The following TASOR variants were observed in gnomAD, a reference collection of about 807,000 sequenced individuals.
TASOR encodes the protein transcription activation suppressor, also known as protein TASOR.
In TASOR, 53 loss-of-function variants were observed where a neutral mutation model predicts 178.6. The ratio of observed to expected loss-of-function variants is 0.30; its 90% confidence interval spans 0.24 to 0.37. TASOR has a LOEUF of 0.37. Ranked by LOEUF, TASOR falls within the 10% of genes least tolerant of loss-of-function variation. The pLI, the probability that TASOR is intolerant of heterozygous loss-of-function variation, is 1.00. For synonymous variants in TASOR, 713 were observed against 696.2 expected, an observed-to-expected ratio of 1.02 and a Z score of -0.38; for missense variants, 1,815 against 1,971.4, an observed-to-expected ratio of 0.92 and a Z score of 1.50.
intron 1 of TASOR, among the ~76,000 whole-genome samples, chr3:56,676,933 G>A (rs751696520): frequency 2.2e-4 from 33 of 152,168 alleles, no homozygotes; most frequent in Non-Finnish European, 4.3e-4. Flanking sequence ...ATAAATATCT[G>A]TATCCTAATT....
In TASOR at chr3:56,628,576, A is replaced by G. The variant is rs1485098785; in HGVS notation, c.3786T>C (p.Pro1262=). 6 of 1,590,598 alleles carry G rather than the reference A, an allele frequency of 3.8e-6. No homozygotes were observed. Among genetic ancestry groups the G allele is most frequent in the Non-Finnish European group, 5.2e-6 (6 of 1,161,418 alleles). The change falls in exon 19 of 24, where the codon CCT becomes CCC. Residue 1262 remains proline, a synonymous_variant. Coordinates refer to ENST00000683822, the MANE Select transcript of TASOR (RefSeq NM_001365635.2). The stretch of plus-strand genomic sequence containing the variant: ...TTGATCTTCTTTCCAAAAACTGTTC[A>G]GGATGACATTCTGTATTGCCTAATT... ...LIKLGNTECH[P]EQFLERRSKL...
In TASOR at chr3:56,670,113, C is replaced by T; in HGVS notation, c.603G>A (p.Val201=). Residue 201 remains valine, a synonymous_variant, in exon 4 of 24, where the codon GTG becomes GTA. Coordinates refer to ENST00000683822, the MANE Select transcript of TASOR (RefSeq NM_001365635.2). The part of the protein sequence containing the change: ...VQTICEKGLH[V]GQSKITILGS... ...CAAGAATTGTTATTTTGGACTGACC[C>T]ACATGTAATCCTTTTTCACATATGG... 1 of 1,539,962 alleles carries T rather than the reference C, an allele frequency of 6.5e-7. No individual in the cohort carries two copies. The highest frequency in any genetic ancestry group is 8.8e-7 in the Non-Finnish European group (1 of 1,141,902).
Position 56,621,718 on chromosome 3 carries a change from A to AT in TASOR, c.*1318dup, listed in dbSNP as rs1330006692. The AT allele has an allele frequency of 7.1e-6, 5 of 702,580 alleles. No homozygotes were observed. Among genetic ancestry groups the AT allele is most frequent in the African/African-American group, 3.7e-5 (2 of 54,616 alleles). The allele number at this position is 702,580 out of a possible 1,614,324, so 43.5% of individuals were successfully genotyped here. A position where few individuals can be genotyped will look rare whatever the true frequency, so the allele number is the denominator to read the frequency against. ...TTTTTCAAATAGCCTAGATTTACTT[A>AT]TTTTTTTAAATGCTCATTAAAAACT... On this transcript the variant is annotated 3_prime_UTR_variant, in exon 24 of 24. Coordinates refer to ENST00000683822, the MANE Select transcript of TASOR (RefSeq NM_001365635.2).
intron 5 of TASOR, among the ~76,000 whole-genome samples, chr3:56,669,469 C>G (rs912200932): frequency 1.3e-5 from 2 of 152,056 alleles, no homozygotes; most frequent in African/African-American, 4.8e-5. Flanking sequence ...CGCCACTGCA[C>G]TCCATCCAGC....
rs2077619269 is a variant in TASOR at position 56,662,496 on chromosome 3, T to C, written c.1055-6A>G. 7.2e-7 allele frequency: 1 copy of C among 1,386,472 alleles called. No individual in the cohort carries two copies. The highest frequency in any genetic ancestry group is 9.9e-7 in the Non-Finnish European group (1 of 1,009,536). 85.9% of individuals were successfully genotyped at this position (1,386,472 alleles called of 1,614,324 possible). ...CAAGGTATAGTTATATTTATCTAAA[T>C]AAAAAGAATATAATGACACAGCTTA... On this transcript the variant is annotated splice_polypyrimidine_tract_variant and splice_region_variant and intron_variant, in intron 8 of 23. Coordinates refer to ENST00000683822, the MANE Select transcript of TASOR (RefSeq NM_001365635.2).
Position 56,627,735 on chromosome 3 carries a change from C to G in TASOR, c.3877G>C (p.Gly1293Arg). 1 of 1,613,272 alleles carries G rather than the reference C, an allele frequency of 6.2e-7. No homozygotes were observed. The highest frequency in any genetic ancestry group is 1.1e-5 in the South Asian group (1 of 90,810). The change falls in exon 20 of 24, where the codon GGC (glycine) becomes CGC (arginine). Residue 1293 changes from glycine (G) to arginine (R), a missense_variant. Gly to Arg is a moderately radical substitution (Grantham distance 125). Transcript: ENST00000683822. Reference protein sequence around the residue: ...DIAGFIHKIPGLVTLKKLPCV... With the variant: ...DIAGFIHKIPRLVTLKKLPCV... ...GGGAGCTTCTTTAAAGTCACCAAGC[C>G]AGGTATCTGTTTAAATCCCAAAACA...
Position 56,646,761 on chromosome 3 carries a change from C to T in TASOR, c.1976G>A (p.Arg659Lys), listed in dbSNP as rs2077246716. 1 of 1,613,934 alleles carries T rather than the reference C, an allele frequency of 6.2e-7. No homozygotes were observed. Among genetic ancestry groups the T allele is most frequent in the Non-Finnish European group, 8.5e-7 (1 of 1,179,944 alleles). Residue 659 changes from arginine (R) to lysine (K), a missense_variant, in exon 14 of 24, where the codon AGA becomes AAA. Arg to Lys is a conservative substitution (Grantham distance 26, BLOSUM62 2). This residue lies in a region of TASOR where 504 missense variants were observed against 645.3 expected (regional missense o/e 0.78). Coordinates refer to ENST00000683822, the MANE Select transcript of TASOR (RefSeq NM_001365635.2). The stretch of plus-strand genomic sequence containing the variant: ...CTTTCCAGATATAATGGCTTCACCT[C>T]TTGAGTTATTTCGTTTTCCAAATTT... ...KMKFGKRNNS[R>K]GEAIISGKQR...
chr3:56,628,853 C>T (rs2076850707), intron 18 of TASOR: 1 of 270,946 alleles, frequency 3.7e-6, no homozygotes, highest in Non-Finnish European at 6.8e-6. Context: ...CTTGACCTCC[C>T]AGGCTCAAGC....
At position 56,633,497 on chromosome 3, in the gene TASOR, A is replaced by G. The variant is rs2076957809; in HGVS notation, c.3294T>C (p.Asn1098=). The G allele has an allele frequency of 1.2e-6, 2 of 1,614,124 alleles. No homozygotes were observed. Among genetic ancestry groups the G allele is most frequent in the Non-Finnish European group, 1.7e-6 (2 of 1,180,006 alleles). The change falls in exon 18 of 24, where the codon AAT becomes AAC. Residue 1098 remains asparagine, a synonymous_variant. Transcript: ENST00000683822. Reference sequence around the variant, plus strand: ...AATCGTTAGGACTGACTGGTGGCAAATTCCCACCCTTGGCTGATGCTTTAA... The same window carrying G: ...AATCGTTAGGACTGACTGGTGGCAAGTTCCCACCCTTGGCTGATGCTTTAA... ...IIIKASAKGG[N]LPPVSPNDSG... is the part of the protein sequence containing the mutation.
chr3:56,655,363 G>C (rs1198419865), intron 11 of TASOR, among the ~76,000 whole-genome samples: 1 of 152,152 alleles, frequency 6.6e-6, no homozygotes, highest in Non-Finnish European at 1.5e-5. Flanking sequence ...GTGAATGTCT[G>C]AAATCACAGA....
chr3:56,681,680 G>A (rs1402777260), intron 1 of TASOR, among the ~76,000 whole-genome samples: 1 of 152,114 alleles, frequency 6.6e-6, no homozygotes, highest in Non-Finnish European at 1.5e-5. Context: ...TAACCATACA[G>A]TAGGGCAAAA....
chr3:56,642,959 G>C (rs1047072622), intron 14 of TASOR, among the ~76,000 whole-genome samples: 1 of 151,808 alleles, frequency 6.6e-6, no homozygotes, highest in Admixed American at 6.6e-5. Context: ...CTGGGCAACA[G>C]AGCGAGACTC....
At position 56,622,733 on chromosome 3, in the gene TASOR, G is replaced by GT. The variant is rs1478946296; in HGVS notation, c.*303dup. ...GAGAAAAAGAAGTAAAGCCTTTGCT[G>GT]TTTACCGTCCTCCTGCAAGCATCTG... On this transcript the variant is annotated 3_prime_UTR_variant, in exon 24 of 24. Coordinates refer to ENST00000683822, the MANE Select transcript of TASOR (RefSeq NM_001365635.2). The GT allele has an allele frequency of 5.2e-6, 1 of 191,630 alleles. No homozygotes were observed. The highest frequency in any genetic ancestry group is 1.1e-5 in the Non-Finnish European group (1 of 95,124). 11.9% of individuals were successfully genotyped at this position (191,630 alleles called of 1,614,324 possible).
intron 21 of TASOR, among the ~76,000 whole-genome samples, chr3:56,626,399 G>T (rs752499158): frequency 2.6e-5 from 4 of 152,156 alleles, no homozygotes; most frequent in Non-Finnish European, 4.4e-5. Flanking sequence ...CTATAAAGTA[G>T]TCAGTTGGGA....
chr3:56,641,494 T>C lies in TASOR; in HGVS notation c.2474A>G (p.Tyr825Cys), dbSNP rs754365843. The C allele has an allele frequency of 5.6e-6, 9 of 1,613,896 alleles. No individual in the cohort carries two copies. The highest frequency in any genetic ancestry group is 4.5e-5 in the East Asian group (2 of 44,892). Reference sequence around the variant, plus strand: ...AACTTTTGCACAAGTAGGCTGCTCATAGTCTTTCTTATCTGGGGTAGAGTT... The same window carrying C: ...AACTTTTGCACAAGTAGGCTGCTCACAGTCTTTCTTATCTGGGGTAGAGTT... ...ELNSTPDKKD[Y>C]EQPTCAKVEN... Residue 825 changes from tyrosine (Y) to cysteine (C), a missense_variant, in exon 15 of 24, where the codon TAT becomes TGT. Coordinates refer to ENST00000683822, the MANE Select transcript of TASOR (RefSeq NM_001365635.2).
At chr3:56,630,211 C>T (rs911365764) in intron 18 of TASOR, among the ~76,000 whole-genome samples, 1 of 151,998 alleles carries the variant, frequency 6.6e-6, no homozygotes, top group Non-Finnish European at 1.5e-5. Context: ...GTGATCTGCC[C>T]GCCTCAGCCT....
At chr3:56,637,889 TACCC>T (rs548353264) in intron 17 of TASOR, among the ~76,000 whole-genome samples, 43 of 152,100 alleles carry the variant, frequency 2.8e-4, no homozygotes, top group African/African-American at 9.6e-4. Flanking sequence ...ATCTCCTAGG[TACCC>T]ACTGCCAACT....
At chr3:56,629,355 C>CT (rs1258126096) in intron 18 of TASOR, among the ~76,000 whole-genome samples, 2 of 152,268 alleles carry the variant, frequency 1.3e-5, no homozygotes, top group East Asian at 1.9e-4. Context: ...TCATTAACCA[C>CT]TCCCTAGCTC....
Position 56,673,602 on chromosome 3 carries a change from T to C in TASOR, c.455A>G (p.His152Arg). 1.3e-6 allele frequency: 2 copies of C among 1,550,174 alleles called. No homozygotes were observed. Among genetic ancestry groups the C allele is most frequent in the Non-Finnish European group, 1.7e-6 (2 of 1,146,484 alleles). The change falls in exon 2 of 24, where the codon CAC becomes CGC. Residue 152 changes from histidine (H) to arginine (R), a missense_variant. Coordinates refer to ENST00000683822, the MANE Select transcript of TASOR (RefSeq NM_001365635.2). ...TACCTCCTTTTCCAAAAGCTCATTGTGTACCAAGCAAGCACGTCTGTAGTT... is the reference window on the plus strand; with the variant it reads ...TACCTCCTTTTCCAAAAGCTCATTGCGTACCAAGCAAGCACGTCTGTAGTT... ...NFNYRRACLVHNELLEKEFTE... is the reference protein window; with the variant it reads ...NFNYRRACLVRNELLEKEFTE...
Sources: gnomAD v4.1 joint callset for allele counts (sites outside exome capture counted in the v4.1 genomes callset) on GRCh38, gnomAD v4.1.1 for gene constraint, gnomAD v4.1.1 regional missense constraint, MANE v1.5 for transcripts, NCBI Gene and HGNC (gene_info 2026-07-23, HGNC 2026-07-21) for gene names.